Variants in CSNK1D observed in about 807,000 individuals in gnomAD.
CSNK1D encodes the protein casein kinase 1 delta.
A neutral mutation model predicts 46.6 loss-of-function variants in CSNK1D; 16 were observed. That is an observed-to-expected ratio of 0.34 (90% confidence interval 0.23 to 0.52). The LOEUF (loss-of-function observed/expected upper bound fraction) is 0.52, where lower values mean the gene tolerates loss of function less well. CSNK1D is among the 20% of genes least tolerant of loss of function. CSNK1D has a pLI of 0.95. For missense variants in CSNK1D, 398 were observed against 578.4 expected (o/e 0.69, Z 3.20); for synonymous variants, 276 against 228.2 (o/e 1.21, Z -1.89).
chr17:82,252,038 G>A lies in CSNK1D; in HGVS notation c.736+396C>T, dbSNP rs1414269597. On this transcript the variant is annotated intron_variant, in intron 5 of 8. Transcript: ENST00000314028. The surrounding 1 kb of genome is among the most constrained non-coding windows in gnomAD (Gnocchi z 4.6). ...TAAAGCACAATTTAGTTTCATTTGAGGTGTGTATCCTGGGGCAATCCTACA... is the reference window on the plus strand; with the variant it reads ...TAAAGCACAATTTAGTTTCATTTGAAGTGTGTATCCTGGGGCAATCCTACA... Among the ~76,000 whole-genome samples the A allele has an allele frequency of 6.6e-6, 1 of 152,102 alleles. No individual in the cohort carries two copies. Among genetic ancestry groups the A allele is most frequent in the Non-Finnish European group, 1.5e-5 (1 of 68,002 alleles).
chr17:82,246,802 AG>A (rs2050862131), intron 8 of CSNK1D: 2 of 986,974 alleles, frequency 2.0e-6, no homozygotes, highest in Admixed American at 6.0e-5. Flanking sequence ...CAGAAAGAAC[AG>A]GGAAGAGCGA....
intron 2 of CSNK1D, among the ~76,000 whole-genome samples, chr17:82,257,650 G>A (rs967897508): frequency 6.6e-6 from 1 of 151,964 alleles, no homozygotes; most frequent in Non-Finnish European, 1.5e-5. Context: ...GCCGTGAGAG[G>A]GCGCCCTGGG....
chr17:82,249,372 C>A lies in CSNK1D; in HGVS notation c.1057+59G>T, dbSNP rs1027518525. 103 of 1,502,306 alleles carry A rather than the reference C, an allele frequency of 6.9e-5. No homozygotes were observed. The highest frequency in any genetic ancestry group is 8.6e-5 in the Non-Finnish European group (96 of 1,116,542). The allele number at this position is 1,502,306 out of a possible 1,614,324, so 93.1% of individuals were successfully genotyped here. ...AAGTACCCTGTTGTCCCCACCAACC[C>A]CAAGACACAAGAAGTCACCCCAGAG... On this transcript the variant is annotated intron_variant, in intron 7 of 8. Coordinates refer to ENST00000314028, the MANE Select transcript of CSNK1D (RefSeq NM_001893.6). The surrounding 1 kb of genome is among the most constrained non-coding windows in gnomAD (Gnocchi z 6.7).
chr17:82,263,822 T>C, intron 2 of CSNK1D, among the ~76,000 whole-genome samples: 1 of 152,206 alleles, frequency 6.6e-6, no homozygotes, highest in Non-Finnish European at 1.5e-5. Context: ...TCGTCACACC[T>C]TCAAGGCAAT....
rs2051689284 is a variant in CSNK1D at position 82,273,340 on chromosome 17, C to T, written c.42G>A (p.Lys14=). 1 of 1,610,468 alleles carries T rather than the reference C, an allele frequency of 6.2e-7. No homozygotes were observed. The highest frequency in any genetic ancestry group is 8.5e-7 in the Non-Finnish European group (1 of 1,179,304). ...RVGNRYRLGR[K]IGSGSFGDIY... The stretch of plus-strand genomic sequence containing the variant: ...TGTCTCCGAAGGAGCCGCTGCCGAT[C>T]TTCCGGCCCAGCCGGTACCTGTTCC... The change falls in exon 1 of 9, where the codon AAG becomes AAA. Residue 14 remains lysine, a synonymous_variant. Transcript: ENST00000314028. This position sits in a 1 kb window ranked among gnomAD's most constrained non-coding sequence, Gnocchi z 5.1.
In CSNK1D at chr17:82,243,837, T is replaced by G. The variant is rs59078201; in HGVS notation, c.*944A>C. 3,065 of 985,514 alleles carry G rather than the reference T, an allele frequency of 3.1e-3. 62 individuals carry two copies. The African/African-American group carries it at 0.043, about 14-fold the overall frequency. The allele number at this position is 985,514 out of a possible 1,614,324, so 61.0% of individuals were successfully genotyped here. ...AAACACTACAGTAACCACCTCTCGG[T>G]TCACAGTCCTCTCCCAAGGGACCAG... On this transcript the variant is annotated 3_prime_UTR_variant, in exon 9 of 9. Transcript: ENST00000314028.
At position 82,246,543 on chromosome 17, in the gene CSNK1D, C is replaced by G. The variant is rs577622218; in HGVS notation, c.1198-1712G>C. ...CAGCAACTAGATGGCCTTTAGGGCC[C>G]AGGCTACTGTAGCCAAAGAGCCCTG... On this transcript the variant is annotated intron_variant, in intron 8 of 8. Transcript: ENST00000314028. The G allele has an allele frequency of 9.3e-5, 98 of 1,057,238 alleles. No individual in the cohort carries two copies. The African/African-American group carries it at 1.6e-3, about 17-fold the overall frequency. 65.5% of individuals were successfully genotyped at this position (1,057,238 alleles called of 1,614,324 possible).
chr17:82,271,263 A>G (rs928100105), intron 1 of CSNK1D, among the ~76,000 whole-genome samples: 4 of 152,010 alleles, frequency 2.6e-5, no homozygotes, highest in Non-Finnish European at 5.9e-5. Flanking sequence ...TTTAGTAGAG[A>G]TGGGGTTTCG....
chr17:82,269,073 G>A (rs2051550663), intron 1 of CSNK1D, among the ~76,000 whole-genome samples: 1 of 146,006 alleles, frequency 6.8e-6, no homozygotes, highest in Admixed American at 7.0e-5. Context: ...CCCCAGCCTA[G>A]GCAACAGAAT....
At position 82,248,757 on chromosome 17, in the gene CSNK1D, A is replaced by G; in HGVS notation, c.1197+118T>C. ...AGACGCCACACCCTGGCGAGATTAA[A>G]AACTCTCAAAAATGGGGGGAAGAAA... On this transcript the variant is annotated intron_variant, in intron 8 of 8. Coordinates refer to ENST00000314028, the MANE Select transcript of CSNK1D (RefSeq NM_001893.6). The surrounding 1 kb of genome is among the most constrained non-coding windows in gnomAD (Gnocchi z 4.1). 4 of 1,522,244 alleles carry G rather than the reference A, an allele frequency of 2.6e-6. No homozygotes were observed. The highest frequency in any genetic ancestry group is 3.5e-6 in the Non-Finnish European group (4 of 1,137,610). The allele number at this position is 1,522,244 out of a possible 1,614,324, so 94.3% of individuals were successfully genotyped here. A position where few individuals can be genotyped will look rare whatever the true frequency, so the allele number is the denominator to read the frequency against.
intron 3 of CSNK1D, chr17:82,254,479 C>G (rs1484838800): frequency 2.7e-5 from 7 of 260,904 alleles, no homozygotes; most frequent in South Asian, 2.9e-5. Flanking sequence ...AGCCAGTGCG[C>G]TGAGCCGCCG....
intron 2 of CSNK1D, among the ~76,000 whole-genome samples, chr17:82,261,688 G>A (rs948598572): frequency 2.0e-5 from 3 of 152,226 alleles, no homozygotes; most frequent in African/African-American, 4.8e-5. Flanking sequence ...CTGGGCGGGC[G>A]AATGGGCTCC....
rs956755833 is a variant in CSNK1D at position 82,258,691 on chromosome 17, A to C, written c.188-3114T>G. 2.6e-5 allele frequency among the ~76,000 whole-genome samples: 4 copies of C among 152,150 alleles called. No individual in the cohort carries two copies. The East Asian group carries it at 5.8e-4, about 22-fold the overall frequency. On this transcript the variant is annotated intron_variant, in intron 2 of 8. Transcript: ENST00000314028. ...CCTTTCAAACTTTTTCCCGTACCTC[A>C]TAACAAATGCCTGCCATGTGTTCCA...
intron 2 of CSNK1D, among the ~76,000 whole-genome samples, chr17:82,260,437 GTGAC>G (rs901336128): frequency 6.7e-6 from 1 of 150,188 alleles, no homozygotes; most frequent in Non-Finnish European, 1.5e-5. Context: ...ACTGAGTGAT[GTGAC>G]TGATGGTGTA....
At position 82,255,670 on chromosome 17, in the gene CSNK1D, C is replaced by T. The variant is rs2051157865; in HGVS notation, c.188-93G>A. 2.0e-6 allele frequency: 3 copies of T among 1,490,738 alleles called. No individual in the cohort carries two copies. The highest frequency in any genetic ancestry group is 2.3e-5 in the South Asian group (2 of 88,582). The allele number at this position is 1,490,738 out of a possible 1,614,324, so 92.3% of individuals were successfully genotyped here. On this transcript the variant is annotated intron_variant, in intron 2 of 8. Coordinates refer to ENST00000314028, the MANE Select transcript of CSNK1D (RefSeq NM_001893.6). The surrounding 1 kb of genome is among the most constrained non-coding windows in gnomAD (Gnocchi z 5.9). ...TGTGCACACCAAGGGGTCATGGTGA[C>T]AATCCTGAACGGGGGAGGGGTGGTG...
At position 82,249,939 on chromosome 17, in the gene CSNK1D, G is replaced by A. The variant is rs889706065; in HGVS notation, c.886-337C>T. 10 of 1,280,056 alleles carry A rather than the reference G, an allele frequency of 7.8e-6. No individual in the cohort carries two copies. In the African/African-American group the frequency reaches 1.2e-4, roughly 16 times the overall value. 79.3% of individuals were successfully genotyped at this position (1,280,056 alleles called of 1,614,324 possible). A position where few individuals can be genotyped will look rare whatever the true frequency, so the allele number is the denominator to read the frequency against. On this transcript the variant is annotated intron_variant, in intron 6 of 8. Transcript: ENST00000314028. The surrounding 1 kb of genome is among the most constrained non-coding windows in gnomAD (Gnocchi z 6.7). ...ATGCTCACTAACACGTGCAGAAAGA[G>A]GAGAGGGACAGGAACCATCGGAGGC...
At chr17:82,254,711 C>T (rs1236305823) in intron 3 of CSNK1D, 17 of 119,626 alleles carry the variant, frequency 1.4e-4, no homozygotes, top group South Asian at 5.7e-4. Flanking sequence ...AGCTGAGCCG[C>T]CGGAGCCTCG....
Position 82,244,572 on chromosome 17 carries a change from G to A in CSNK1D, c.*209C>T. The A allele has an allele frequency of 6.7e-7, 1 of 1,491,186 alleles. No homozygotes were observed. The highest frequency in any genetic ancestry group is 8.9e-7 in the Non-Finnish European group (1 of 1,120,730). The allele number at this position is 1,491,186 out of a possible 1,614,324, so 92.4% of individuals were successfully genotyped here. ...CCCCGTTACAACCGAGTTCACGTGGGGGGCCGCAGTGCAGCCCCAGCGGTG... is the reference window on the plus strand; with the variant it reads ...CCCCGTTACAACCGAGTTCACGTGGAGGGCCGCAGTGCAGCCCCAGCGGTG... On this transcript the variant is annotated 3_prime_UTR_variant, in exon 9 of 9. Coordinates refer to ENST00000314028, the MANE Select transcript of CSNK1D (RefSeq NM_001893.6).
chr17:82,251,729 G>A lies in CSNK1D; in HGVS notation c.737-202C>T, dbSNP rs1275289376. The A allele has an allele frequency of 4.1e-5, 26 of 632,692 alleles. No individual in the cohort carries two copies. Among genetic ancestry groups the A allele is most frequent in the South Asian group, 1.0e-4 (6 of 60,152 alleles). The allele number at this position is 632,692 out of a possible 1,614,324, so 39.2% of individuals were successfully genotyped here. A position where few individuals can be genotyped will look rare whatever the true frequency, so the allele number is the denominator to read the frequency against. On this transcript the variant is annotated intron_variant, in intron 5 of 8. Transcript: ENST00000314028. This position sits in a 1 kb window ranked among gnomAD's most constrained non-coding sequence, Gnocchi z 4.5. ...GTCACGGCCGGGTGCGGCGGCTCAC[G>A]CCTGTCACCCCAGCACTCTAGGAGG...
Sources: allele counts gnomAD v4.1 joint callset (sites outside exome capture counted in the v4.1 genomes callset), GRCh38; gene constraint gnomAD v4.1.1; non-coding constraint Gnocchi (gnomAD v3.1); transcripts MANE v1.5; gene names NCBI Gene and HGNC (gene_info 2026-07-23, HGNC 2026-07-21).